LRP6: variants seen among roughly 807,000 people sequenced by gnomAD.
The protein encoded by LRP6 is LDL receptor related protein 6.
A neutral mutation model predicts 184.1 loss-of-function variants in LRP6; 43 were observed. The observed-to-expected ratio is 0.23, with a 90% confidence interval of 0.18 to 0.30. The LOEUF (loss-of-function observed/expected upper bound fraction) is 0.30, where lower values mean the gene tolerates loss of function less well. LRP6 is among the 10% of genes least tolerant of loss of function. LRP6 has a pLI of 1.00. For missense variants in LRP6, 1,571 were observed against 2,005.3 expected (o/e 0.78, Z 4.14); for synonymous variants, 719 against 684.9 (o/e 1.05, Z -0.78).
At chr12:12,140,087 C>T (rs1949908179) in intron 15 of LRP6, among the ~76,000 whole-genome samples, 1 of 151,550 alleles carries the variant, frequency 6.6e-6, no homozygotes, top group Non-Finnish European at 1.5e-5. Flanking sequence ...TAAGGATCAC[C>T]AAATATTTAA....
chr12:12,249,147 G>A (rs936226287), intron 1 of LRP6: 437 of 708,294 alleles, frequency 6.2e-4, no homozygotes, highest in Non-Finnish European at 1.0e-3. Context: ...GATGATAATT[G>A]GGCCTGCAAG....
intron 22 of LRP6, among the ~76,000 whole-genome samples, chr12:12,122,879 CAA>C (rs747927214): frequency 1.3e-5 from 2 of 151,852 alleles, no homozygotes; most frequent in Non-Finnish European, 2.9e-5. Flanking sequence ...TGCCAGAGAC[CAA>C]AAGTTATATG....
At chr12:12,131,750 T>C in intron 18 of LRP6, 71 bp downstream of exon 18, 1 of 1,281,664 alleles carries the variant, frequency 7.8e-7, no homozygotes. Flanking sequence ...CTAAGCCAAG[T>C]AATACTGAAG....
Position 12,120,914 on chromosome 12 carries a change from G to T in LRP6, c.*212C>A. On this transcript the variant is annotated 3_prime_UTR_variant, in exon 23 of 23. Coordinates refer to ENST00000261349, the MANE Select transcript of LRP6 (RefSeq NM_002336.3). ...AATTTTTTTTATACAAACTTTTATG[G>T]CACAAGCAGCAAATCTGCTGTTTTA... 1 of 426,652 alleles carries T rather than the reference G, an allele frequency of 2.3e-6. No homozygotes were observed. Among genetic ancestry groups the T allele is most frequent in the Admixed American group, 4.0e-5 (1 of 25,140 alleles). The allele number at this position is 426,652 out of a possible 1,614,324, so 26.4% of individuals were successfully genotyped here. A position where few individuals can be genotyped will look rare whatever the true frequency, so the allele number is the denominator to read the frequency against.
Position 12,180,658 on chromosome 12 carries a change from G to C in LRP6, c.1373+385C>G, listed in dbSNP as rs547659734. 5.9e-5 allele frequency among the ~76,000 whole-genome samples: 9 copies of C among 151,644 alleles called. No homozygotes were observed. The South Asian group carries it at 1.7e-3, about 28-fold the overall frequency. On this transcript the variant is annotated intron_variant, in intron 6 of 22. Coordinates refer to ENST00000261349, the MANE Select transcript of LRP6 (RefSeq NM_002336.3). ...AAATCAAGTCATTCATGTATTTAGG[G>C]AAAAAAAAGTAAGCTATATTCTTAC... is the stretch of plus-strand genomic sequence containing the variant.
intron 12 of LRP6, among the ~76,000 whole-genome samples, chr12:12,157,930 T>C (rs1057001195): frequency 1.3e-5 from 2 of 152,192 alleles, no homozygotes; most frequent in African/African-American, 4.8e-5. Context: ...TTGTTAGTGT[T>C]ATGTGTGTAC....
At chr12:12,201,842 T>G (rs1460422761) in intron 3 of LRP6, among the ~76,000 whole-genome samples, 1 of 152,236 alleles carries the variant, frequency 6.6e-6, no homozygotes, top group African/African-American at 2.4e-5. Flanking sequence ...TATATGTCAT[T>G]TCACTCTTTT....
At chr12:12,134,652 A>G (rs1323307231) in intron 17 of LRP6, among the ~76,000 whole-genome samples, 1 of 152,206 alleles carries the variant, frequency 6.6e-6, no homozygotes, top group Non-Finnish European at 1.5e-5. Context: ...CATCAGACAC[A>G]TTCCCAACAA....
rs1949523867 is a variant in LRP6, at chr12:12,116,718, G to C, written c.*4408C>G. The stretch of plus-strand genomic sequence containing the variant: ...GCTTCTAAATACAAGACATCATTTA[G>C]TTTGTAATTCTATCTGTAAAGTCAT... On this transcript the variant is annotated 3_prime_UTR_variant, in exon 23 of 23. Coordinates refer to ENST00000261349, the MANE Select transcript of LRP6 (RefSeq NM_002336.3). 1 of 152,098 alleles carries C rather than the reference G, an allele frequency of 6.6e-6. No homozygotes were observed. Among genetic ancestry groups the C allele is most frequent in the Non-Finnish European group, 1.5e-5 (1 of 68,024 alleles). The allele number at this position is 152,098 out of a possible 1,614,324, so 9.4% of individuals were successfully genotyped here.
intron 4 of LRP6, 60 bp from the exon 5 acceptor site, chr12:12,184,171 A>G: frequency 6.6e-7 from 1 of 1,506,088 alleles, no homozygotes; most frequent in Non-Finnish European, 9.2e-7. Flanking sequence ...AAAGGTTAAC[A>G]ACCATAACAT....
chr12:12,159,528 C>A (rs552391039), intron 11 of LRP6, among the ~76,000 whole-genome samples: 1 of 152,202 alleles, frequency 6.6e-6, no homozygotes, highest in East Asian at 1.9e-4. Flanking sequence ...GTACAAAAGT[C>A]ATTTCAGGAG....
intron 5 of LRP6, among the ~76,000 whole-genome samples, chr12:12,183,051 T>C (rs941475001): frequency 6.6e-6 from 1 of 152,338 alleles, no homozygotes; most frequent in South Asian, 2.1e-4. Context: ...ATGGAAACCA[T>C]TTGACCAAGA....
intron 19 of LRP6, among the ~76,000 whole-genome samples, chr12:12,129,788 G>T (rs1949721742): frequency 6.6e-6 from 1 of 152,124 alleles, no homozygotes; most frequent in Non-Finnish European, 1.5e-5. Context: ...CTGACCTCGT[G>T]ATCTGCCCAC....
intron 2 of LRP6, among the ~76,000 whole-genome samples, chr12:12,213,195 T>C (rs749544399): frequency 6.6e-6 from 1 of 152,166 alleles, no homozygotes; most frequent in Admixed American, 6.6e-5. Context: ...ATTAATGACA[T>C]ATGTTTTGGT....
At chr12:12,246,815 C>T (rs1471829942) in intron 1 of LRP6, among the ~76,000 whole-genome samples, 6 of 152,156 alleles carry the variant, frequency 3.9e-5, no homozygotes, top group Non-Finnish European at 8.8e-5. Flanking sequence ...CAAGAAATTA[C>T]TCCAATCTCA....
intron 16 of LRP6, among the ~76,000 whole-genome samples, chr12:12,135,637 G>A (rs1949828070): frequency 6.6e-6 from 1 of 151,480 alleles, no homozygotes; most frequent in Admixed American, 6.6e-5. Context: ...GGGATTGCAG[G>A]TGACTGCCGC....
intron 3 of LRP6, among the ~76,000 whole-genome samples, chr12:12,196,889 G>A (rs1388345445): frequency 2.6e-5 from 4 of 152,120 alleles, no homozygotes; most frequent in South Asian, 2.1e-4. Flanking sequence ...AGTAGCCATC[G>A]ACGCTCACCA....
chr12:12,263,099 C>CAAA (rs11286701), intron 1 of LRP6, among the ~76,000 whole-genome samples: 1,566 of 128,914 alleles, frequency 0.012, 20 homozygotes, highest in African/African-American at 0.038. Flanking sequence ...ACTAAAAATA[C>CAAA]AAAAAAAAAA....
chr12:12,199,535 CA>C (rs765884321), intron 3 of LRP6, among the ~76,000 whole-genome samples: 1 of 152,166 alleles, frequency 6.6e-6, no homozygotes, highest in South Asian at 2.1e-4. Flanking sequence ...GAGATCCAAA[CA>C]TAAGTGAGTG....
Sources: allele counts gnomAD v4.1 joint callset (sites outside exome capture counted in the v4.1 genomes callset), GRCh38; gene constraint gnomAD v4.1.1; transcripts MANE v1.5; gene names NCBI Gene and HGNC (gene_info 2026-07-23, HGNC 2026-07-21).